Variants in BCR observed in about 807,000 individuals in gnomAD.
BCR encodes breakpoint cluster region protein.
A neutral mutation model predicts 138.6 loss-of-function variants in BCR; 58 were observed. That is an observed-to-expected ratio of 0.42 (90% CI 0.34 to 0.52). The LOEUF is 0.52. BCR is among the 20% of genes least tolerant of loss of function. The pLI is 0.06. For missense variants in BCR, 1,599 were observed against 1,727.2 expected (o/e 0.93, Z 1.32); for synonymous variants, 786 against 730.1 (o/e 1.08, Z -1.23).
At position 23,253,800 on chromosome 22, in the gene BCR, T is replaced by C. The variant is rs768132628; in HGVS notation, c.1281T>C (p.Asp427=). ...DGEGAFHGDA[D]GSFGTPPGYG... ...CAGGATGCTTCTTTGCACACACAGA[T>C]GGCTCGTTCGGAACACCACCTGGAT... is the stretch of plus-strand genomic sequence containing the variant. Residue 427 remains aspartate (D), a splice_region_variant and synonymous_variant, in exon 2 of 23, where the codon GAT becomes GAC. Coordinates refer to ENST00000305877, the MANE Select transcript of BCR (RefSeq NM_004327.4). The C allele has an allele frequency of 1.2e-6, 2 of 1,610,178 alleles. No homozygotes were observed. The highest frequency in any genetic ancestry group is 4.5e-5 in the East Asian group (2 of 44,806).
chr22:23,231,404 G>A (rs548233982), intron 1 of BCR, among the ~76,000 whole-genome samples: 1 of 152,066 alleles, frequency 6.6e-6, no homozygotes, highest in Admixed American at 6.5e-5. Flanking sequence ...TATTCAGGAG[G>A]CTGAGTCAGG....
At chr22:23,203,645 A>G (rs192605206) in intron 1 of BCR, among the ~76,000 whole-genome samples, 7 of 152,216 alleles carry the variant, frequency 4.6e-5, no homozygotes, top group Non-Finnish European at 8.8e-5. Context: ...TCCTGAGGCC[A>G]CTGGCTGTGT....
At chr22:23,297,229 T>G (rs1223153379) in intron 16 of BCR, among the ~76,000 whole-genome samples, 5 of 146,494 alleles carry the variant, frequency 3.4e-5, no homozygotes, top group African/African-American at 1.0e-4. Flanking sequence ...TTGTTTTTTT[T>G]TTTTTTTTCG....
chr22:23,298,309 A>G (rs1321770889), intron 16 of BCR, among the ~76,000 whole-genome samples: 1 of 152,170 alleles, frequency 6.6e-6, no homozygotes, highest in East Asian at 1.9e-4. Context: ...TCAGATAGCA[A>G]GGGCAGGGGG....
At chr22:23,253,684 T>C in intron 1 of BCR, 115 bp from the exon 2 acceptor site, 1 of 1,279,862 alleles carries the variant, frequency 7.8e-7, no homozygotes, top group South Asian at 1.4e-5. Context: ...CCCGAGGTCG[T>C]TGTGAGATGC....
intron 1 of BCR, among the ~76,000 whole-genome samples, chr22:23,231,364 G>A (rs2146243729): frequency 6.6e-6 from 1 of 152,078 alleles, no homozygotes; most frequent in South Asian, 2.1e-4. Flanking sequence ...AAATTAGCTG[G>A]ATGTGGTAGT....
At chr22:23,312,044 G>A in intron 19 of BCR, 1 of 987,880 alleles carries the variant, frequency 1.0e-6, no homozygotes, top group Non-Finnish European at 1.4e-6. Flanking sequence ...AGCCATGCAT[G>A]CCACTTGCTG....
chr22:23,202,838 C>T (rs900651585), intron 1 of BCR, among the ~76,000 whole-genome samples: 1 of 144,454 alleles, frequency 6.9e-6, no homozygotes, highest in Non-Finnish European at 1.5e-5. Context: ...GCATTAATTA[C>T]ATTCAGTGAA....
chr22:23,267,010 C>T (rs1191776907), intron 4 of BCR, among the ~76,000 whole-genome samples: 1 of 152,090 alleles, frequency 6.6e-6, no homozygotes, highest in East Asian at 1.9e-4. Flanking sequence ...CAAAAGCAGT[C>T]TCCTTGCTCT....
chr22:23,248,596 C>T (rs1293277213), intron 1 of BCR, among the ~76,000 whole-genome samples: 2 of 151,972 alleles, frequency 1.3e-5, no homozygotes, highest in East Asian at 3.9e-4. Flanking sequence ...TTGCAGAGTT[C>T]TGGGGTTGGG....
At chr22:23,292,307 G>C (rs1349566045) in intron 14 of BCR, among the ~76,000 whole-genome samples, 1 of 152,258 alleles carries the variant, frequency 6.6e-6, no homozygotes, top group Non-Finnish European at 1.5e-5. Flanking sequence ...GTTGTGGGAA[G>C]TCCCGTTTCC....
intron 4 of BCR, among the ~76,000 whole-genome samples, chr22:23,267,828 C>T (rs2073461957): frequency 6.6e-6 from 1 of 152,244 alleles, no homozygotes; most frequent in Non-Finnish European, 1.5e-5. Context: ...TCTCGCCTTA[C>T]AGCCGGTCGG....
intron 1 of BCR, among the ~76,000 whole-genome samples, chr22:23,224,086 G>A (rs1041338217): frequency 1.1e-4 from 17 of 152,124 alleles, no homozygotes; most frequent in African/African-American, 3.9e-4. Context: ...GCAGAGACAG[G>A]GACTGACTCC....
intron 1 of BCR, among the ~76,000 whole-genome samples, chr22:23,216,314 G>A (rs1394789563): frequency 2.0e-5 from 3 of 152,188 alleles, no homozygotes; most frequent in Non-Finnish European, 4.4e-5. Context: ...TATAACCTCA[G>A]ACGCAGTAAT....
chr22:23,199,742 T>C (rs534344837), intron 1 of BCR, among the ~76,000 whole-genome samples: 1 of 152,248 alleles, frequency 6.6e-6, no homozygotes, highest in East Asian at 1.9e-4. Context: ...TGCTTTCAAG[T>C]CTGTGAATTA....
chr22:23,287,715 G>A (rs2073733096), intron 11 of BCR, among the ~76,000 whole-genome samples: 3 of 152,232 alleles, frequency 2.0e-5, no homozygotes, highest in Admixed American at 1.3e-4. Flanking sequence ...AGGAGAGGCA[G>A]CTGGTGGGCT....
chr22:23,205,800 A>G (rs2072606043), intron 1 of BCR, among the ~76,000 whole-genome samples: 1 of 152,174 alleles, frequency 6.6e-6, no homozygotes, highest in South Asian at 2.1e-4. Flanking sequence ...TGAGCATGTG[A>G]AACTATAAAG....
intron 1 of BCR, chr22:23,243,132 A>G (rs1444488543): frequency 4.0e-6 from 1 of 247,348 alleles, no homozygotes; most frequent in Admixed American, 5.2e-5. Flanking sequence ...TTCCTGAACG[A>G]TGGGGTGATA....
intron 1 of BCR, chr22:23,198,189 G>C (rs185592841): frequency 7.5e-5 from 29 of 386,174 alleles, no homozygotes; most frequent in African/African-American, 5.7e-4. Flanking sequence ...GCACTAAATT[G>C]GACCACAGTG....
Sources: allele counts gnomAD v4.1 joint callset (sites outside exome capture counted in the v4.1 genomes callset), GRCh38; gene constraint gnomAD v4.1.1; transcripts MANE v1.5; gene names NCBI Gene and HGNC (gene_info 2026-07-23, HGNC 2026-07-21).